The following PLCXD3 variants were observed in gnomAD, a reference collection of about 807,000 sequenced individuals.
PLCXD3 encodes the protein PI-PLC X domain-containing protein 3.
PLCXD3 carries 19 observed loss-of-function variants against 25.5 expected under a neutral mutation model. The observed-to-expected ratio is 0.75, with a 90% CI of 0.52 to 1.09. The LOEUF (loss-of-function observed/expected upper bound fraction) is 1.09, where lower values mean the gene tolerates loss of function less well. Among genes scored for constraint, PLCXD3 ranks in the 50% least tolerant of loss-of-function variants. The pLI is 0.00. For synonymous variants in PLCXD3, 174 were observed against 137.6 expected (o/e 1.26, Z -1.85); for missense variants, 411 against 388.1 (o/e 1.06, Z -0.50).
At chr5:41,378,347 G>A (rs1256904654) in intron 2 of PLCXD3, among the ~76,000 whole-genome samples, 1 of 152,040 alleles carries the variant, frequency 6.6e-6, no homozygotes, top group African/African-American at 2.4e-5. Flanking sequence ...GTACTTCTGA[G>A]GCTAAACTCC....
At chr5:41,385,493 C>A (rs2150494085) in intron 1 of PLCXD3, among the ~76,000 whole-genome samples, 1 of 152,212 alleles carries the variant, frequency 6.6e-6, no homozygotes, top group African/African-American at 2.4e-5. Context: ...ATCAGAGCAA[C>A]TATTTATTTC....
At chr5:41,412,968 T>C (rs1746602166) in intron 1 of PLCXD3, among the ~76,000 whole-genome samples, 1 of 152,238 alleles carries the variant, frequency 6.6e-6, no homozygotes, top group Non-Finnish European at 1.5e-5. Context: ...TTCCTACTCA[T>C]GTTTGGTCTC....
chr5:41,479,994 A>C (rs1379444664), intron 1 of PLCXD3, among the ~76,000 whole-genome samples: 1 of 152,130 alleles, frequency 6.6e-6, no homozygotes, highest in Non-Finnish European at 1.5e-5. Flanking sequence ...CTTTCATTTA[A>C]TTTTCTATTA....
At chr5:41,465,353 CTTTTTTTTTTTTTTTTT>C (rs58098437) in intron 1 of PLCXD3, among the ~76,000 whole-genome samples, 13 of 13,234 alleles carry the variant, frequency 9.8e-4, no homozygotes, top group South Asian at 6.5e-3. Context: ...TAGTTCTTGT[CTTTTTTTTTTTTTTTTT>C]TTTTTTTTTT....
chr5:41,464,010 T>C (rs532295676), intron 1 of PLCXD3, among the ~76,000 whole-genome samples: 1 of 152,006 alleles, frequency 6.6e-6, no homozygotes, highest in Non-Finnish European at 1.5e-5. Context: ...TTTCTGTCAG[T>C]TTTTTGCTGA....
chr5:41,505,651 C>A (rs944918171), intron 1 of PLCXD3, among the ~76,000 whole-genome samples: 3 of 152,150 alleles, frequency 2.0e-5, no homozygotes, highest in African/African-American at 4.8e-5. Context: ...CTAGCATTAC[C>A]AGATGAGCTG....
chr5:41,321,851 G>A (rs1743481143), intron 2 of PLCXD3, among the ~76,000 whole-genome samples: 1 of 152,092 alleles, frequency 6.6e-6, no homozygotes. Flanking sequence ...AATGGTGCTG[G>A]GAAAATTGGA....
At position 41,382,380 on chromosome 5, in the gene PLCXD3, G is replaced by T. The variant is rs766750938; in HGVS notation, c.258C>A (p.Gly86=). 6.2e-7 allele frequency: 1 copy of T among 1,613,376 alleles called. No individual in the cohort carries two copies. Among genetic ancestry groups the T allele is most frequent in the Non-Finnish European group, 8.5e-7 (1 of 1,179,702 alleles). ...WLATQTMNFT[G]QLGAGIRYFD... ...AATAACGAATTCCAGCTCCTAGCTG[G>T]CCAGTAAAATTCATTGTCTGAGTGG... The change falls in exon 2 of 3, where the codon GGC becomes GGA. Residue 86 remains glycine (G), a synonymous_variant. Coordinates refer to ENST00000377801, the MANE Select transcript of PLCXD3 (RefSeq NM_001005473.3).
rs7717606 is a variant in PLCXD3 at position 41,394,432 on chromosome 5, A to G, written c.104-11898T>C. Among the ~76,000 whole-genome samples the G allele has an allele frequency of 2.2e-3, 329 of 152,306 alleles. 1 individual carries two copies. Among genetic ancestry groups the G allele is most frequent in the African/African-American group, 7.5e-3 (312 of 41,590 alleles). On this transcript the variant is annotated intron_variant, in intron 1 of 2. Coordinates refer to ENST00000377801, the MANE Select transcript of PLCXD3 (RefSeq NM_001005473.3). ...GAAGACCATAAAACAATCAGAAAGC[A>G]AATAATAAAATGGCAGTAGTAAGTT...
At chr5:41,508,383 C>T (rs1277515047) in intron 1 of PLCXD3, among the ~76,000 whole-genome samples, 1 of 152,224 alleles carries the variant, frequency 6.6e-6, no homozygotes. Flanking sequence ...CAAAGCCTTT[C>T]CCTCCAAAAT....
chr5:41,441,286 A>G (rs1041043985), intron 1 of PLCXD3, among the ~76,000 whole-genome samples: 1 of 152,216 alleles, frequency 6.6e-6, no homozygotes, highest in African/African-American at 2.4e-5. Context: ...ATTTCTTTAG[A>G]AGACGCACTC....
chr5:41,493,100 T>C (rs1748741817), intron 1 of PLCXD3, among the ~76,000 whole-genome samples: 1 of 152,198 alleles, frequency 6.6e-6, no homozygotes, highest in Non-Finnish European at 1.5e-5. Context: ...GATGTACAGA[T>C]GGGTTTTTGG....
chr5:41,410,108 A>C (rs1209831163), intron 1 of PLCXD3, among the ~76,000 whole-genome samples: 14 of 151,470 alleles, frequency 9.2e-5, no homozygotes, highest in Non-Finnish European at 7.4e-5. Flanking sequence ...TAGATAGATT[A>C]ATGTCTTCTA....
At chr5:41,343,418 T>C (rs1744214539) in intron 2 of PLCXD3, among the ~76,000 whole-genome samples, 1 of 152,130 alleles carries the variant, frequency 6.6e-6, no homozygotes, top group Non-Finnish European at 1.5e-5. Flanking sequence ...ATCCATATAT[T>C]TGGTGAATAT....
intron 1 of PLCXD3, among the ~76,000 whole-genome samples, chr5:41,488,764 T>G (rs1244754230): frequency 2.0e-5 from 3 of 147,666 alleles, no homozygotes; most frequent in Non-Finnish European, 3.0e-5. Context: ...TTGCCCACTT[T>G]TTGATGGGGT....
intron 1 of PLCXD3, among the ~76,000 whole-genome samples, chr5:41,496,950 G>A (rs2111569325): frequency 6.6e-6 from 1 of 151,786 alleles, no homozygotes; most frequent in Non-Finnish European, 1.5e-5. Flanking sequence ...AAAGTATGTG[G>A]AGGGAGAAGT....
chr5:41,494,248 GT>G (rs532216447), intron 1 of PLCXD3, among the ~76,000 whole-genome samples: 2 of 152,072 alleles, frequency 1.3e-5, no homozygotes, highest in Admixed American at 1.3e-4. Flanking sequence ...GGTGTGGAGG[GT>G]TTTATATAAG....
intron 1 of PLCXD3, among the ~76,000 whole-genome samples, chr5:41,386,352 C>G (rs1019893871): frequency 2.0e-5 from 3 of 152,012 alleles, no homozygotes; most frequent in Non-Finnish European, 4.4e-5. Flanking sequence ...CACATAGCAT[C>G]AATTTTATTA....
At chr5:41,505,430 G>A (rs566722361) in intron 1 of PLCXD3, among the ~76,000 whole-genome samples, 34 of 151,692 alleles carry the variant, frequency 2.2e-4, no homozygotes, top group Non-Finnish European at 4.1e-4. Flanking sequence ...CTTTGATGTT[G>A]ATGCTTTTGA....
Sources: allele counts gnomAD v4.1 joint callset (sites outside exome capture counted in the v4.1 genomes callset), GRCh38; gene constraint gnomAD v4.1.1; transcripts MANE v1.5; gene names NCBI Gene and HGNC (gene_info 2026-07-23, HGNC 2026-07-21).